The following SLC39A14 variants were observed in gnomAD, a reference collection of about 807,000 sequenced individuals.
SLC39A14 encodes the protein solute carrier family 39 member 14.
SLC39A14 carries 19 observed loss-of-function variants against 45.5 expected under a neutral mutation model. The ratio of observed to expected loss-of-function variants is 0.42; its 90% CI spans 0.29 to 0.61. SLC39A14 has a LOEUF of 0.61. Among genes scored for constraint, SLC39A14 ranks in the 20% least tolerant of loss-of-function variants. SLC39A14 has a pLI of 0.22. For synonymous variants in SLC39A14, 264 were observed against 251.3 expected (o/e 1.05, Z -0.48); for missense variants, 447 against 616.5 (o/e 0.73, Z 2.91).
chr8:22,373,538 A>G (rs999203216), intron 1 of SLC39A14, among the ~76,000 whole-genome samples: 5 of 152,140 alleles, frequency 3.3e-5, no homozygotes, highest in African/African-American at 9.7e-5. Flanking sequence ...AAGACTCAAG[A>G]TGACACAGGT....
chr8:22,378,343 T>A (rs938775599), intron 1 of SLC39A14, among the ~76,000 whole-genome samples: 1 of 152,230 alleles, frequency 6.6e-6, no homozygotes, highest in East Asian at 1.9e-4. Context: ...ATTGCATGAC[T>A]GGCTTCATTG....
At chr8:22,372,836 A>G (rs1833006009) in intron 1 of SLC39A14, among the ~76,000 whole-genome samples, 1 of 152,124 alleles carries the variant, frequency 6.6e-6, no homozygotes, top group South Asian at 2.1e-4. Context: ...TGGTCTCACT[A>G]CGTTACCCAA....
chr8:22,397,720 T>C (rs891098113), intron 1 of SLC39A14, among the ~76,000 whole-genome samples: 5 of 152,216 alleles, frequency 3.3e-5, no homozygotes, highest in African/African-American at 1.2e-4. Flanking sequence ...CTTTTGCTAT[T>C]GTGTGACTCA....
chr8:22,416,426 T>A, intron 7 of SLC39A14, 146 bp downstream of exon 7: 1 of 696,088 alleles, frequency 1.4e-6, no homozygotes, highest in Non-Finnish European at 2.4e-6. Context: ...TCATGGACCC[T>A]AATCACCTTT....
chr8:22,424,514 T>C (rs887746327), downstream of SLC39A14, among the ~76,000 whole-genome samples: 5 of 152,186 alleles, frequency 3.3e-5, no homozygotes, highest in African/African-American at 1.2e-4. Context: ...CCATTTGCTA[T>C]TCAAAATGAC....
At chr8:22,409,120 C>G (rs1048411837) in intron 3 of SLC39A14, among the ~76,000 whole-genome samples, 1 of 152,102 alleles carries the variant, frequency 6.6e-6, no homozygotes, top group African/African-American at 2.4e-5. Flanking sequence ...CATACCTGGC[C>G]TACTTTGGTT....
Position 22,420,575 on chromosome 8 carries a change from A to C in SLC39A14, c.*877A>C. 5 of 985,418 alleles carry C rather than the reference A, an allele frequency of 5.1e-6. No homozygotes were observed. The highest frequency in any genetic ancestry group is 6.0e-6 in the Non-Finnish European group (5 of 829,920). 61.0% of individuals were successfully genotyped at this position (985,418 alleles called of 1,614,324 possible). On this transcript the variant is annotated 3_prime_UTR_variant, in exon 9 of 9. Transcript: ENST00000381237. ...AGCTGCCTCCTAGAAGCACATTCTG[A>C]GCACATTTGAGACCTCTGTGTTAGA...
At chr8:22,399,314 C>T (rs1301971166) in intron 1 of SLC39A14, among the ~76,000 whole-genome samples, 1 of 152,200 alleles carries the variant, frequency 6.6e-6, no homozygotes. Context: ...ATACCTTTTA[C>T]AAACCTTTTC....
chr8:22,431,684 T>C (rs548596541), intron 8 of SLC39A14, among the ~76,000 whole-genome samples: 254 of 152,284 alleles, frequency 1.7e-3, no homozygotes, highest in African/African-American at 5.7e-3. Flanking sequence ...GAATCTTGGT[T>C]ATTTCAAATA....
intron 1 of SLC39A14, among the ~76,000 whole-genome samples, chr8:22,377,910 C>T (rs147024253): frequency 2.6e-5 from 4 of 152,286 alleles, no homozygotes; most frequent in East Asian, 3.9e-4. Flanking sequence ...GATCTGTGCC[C>T]GCTCGGCTAT....
chr8:22,404,202 T>A (rs1435571170), intron 1 of SLC39A14, among the ~76,000 whole-genome samples: 1 of 152,118 alleles, frequency 6.6e-6, no homozygotes, highest in Non-Finnish European at 1.5e-5. Context: ...GGTGGGTGGA[T>A]CACCTGAGGT....
At chr8:22,412,544 G>A (rs1299745315) in intron 4 of SLC39A14, among the ~76,000 whole-genome samples, 1 of 152,214 alleles carries the variant, frequency 6.6e-6, no homozygotes, top group Non-Finnish European at 1.5e-5. Flanking sequence ...CTGAGTGCCT[G>A]GTGCGGAAAG....
At position 22,408,491 on chromosome 8, in the gene SLC39A14, T is replaced by C; in HGVS notation, c.452T>C (p.Val151Ala). 6.2e-7 allele frequency: 1 copy of C among 1,612,210 alleles called. No homozygotes were observed. Among genetic ancestry groups the C allele is most frequent in the Admixed American group, 1.7e-5 (1 of 59,968 alleles). ...ACGGAGGAGGGGCGGCCAAGCGCTG[T>C]TGAAGGTGAGCCAGGCCAGGAAGGC... is the stretch of plus-strand genomic sequence containing the variant. ...EQTEEGRPSA[V>A]EVWGYGLLCV... Residue 151 changes from valine (V) to alanine (A), a missense_variant, in exon 3 of 9, where the codon GTT (valine) becomes GCT (alanine). This residue lies in a region of SLC39A14 where 342 missense variants were observed against 428.1 expected (regional missense o/e 0.80). Transcript: ENST00000381237.
chr8:22,424,448 A>C (rs549706987), downstream of SLC39A14, among the ~76,000 whole-genome samples: 2 of 152,344 alleles, frequency 1.3e-5, no homozygotes, highest in African/African-American at 4.8e-5. Context: ...TAAAACAAGA[A>C]TAATATATGA....
Position 22,404,888 on chromosome 8 carries a change from C to T in SLC39A14, c.178C>T (p.Gln60Ter), listed in dbSNP as rs1835120360. Residue 60 changes from glutamine to a stop codon, truncating the protein, a stop_gained, in exon 2 of 9, where the codon CAG becomes TAG. Coordinates refer to ENST00000381237, the MANE Select transcript of SLC39A14 (RefSeq NM_001128431.4). LOFTEE classifies it high-confidence loss of function. ...RYGEGDSLTL[Q>*]QLKALLNHLD... is the part of the protein sequence containing the mutation. ...TGGCGAGGGTGACAGCCTCACTCTG[C>T]AGCAGCTGAAGGCCCTACTCAACCA... 6.2e-7 allele frequency: 1 copy of T among 1,614,056 alleles called. No homozygotes were observed. The highest frequency in any genetic ancestry group is 8.5e-7 in the Non-Finnish European group (1 of 1,180,012).
In SLC39A14 at chr8:22,420,411, G is replaced by T. The variant is rs73227843; in HGVS notation, c.*713G>T. 9.2e-5 allele frequency: 91 copies of T among 985,426 alleles called. No homozygotes were observed. In the East Asian group the frequency reaches 7.4e-3, roughly 80 times the overall value. The allele number at this position is 985,426 out of a possible 1,614,324, so 61.0% of individuals were successfully genotyped here. On this transcript the variant is annotated 3_prime_UTR_variant, in exon 9 of 9. Transcript: ENST00000381237. ...TTCACGGCTGTCCGAGTGAGCTAAC[G>T]TGGCGGTGTGGCTGCCTGGACCTCC...
chr8:22,399,145 G>T (rs1834694738), intron 1 of SLC39A14, among the ~76,000 whole-genome samples: 1 of 152,152 alleles, frequency 6.6e-6, no homozygotes, highest in Non-Finnish European at 1.5e-5. Flanking sequence ...TGACACCCTG[G>T]GGGGACTGGA....
chr8:22,401,812 A>G (rs904560454), intron 1 of SLC39A14, among the ~76,000 whole-genome samples: 1 of 151,988 alleles, frequency 6.6e-6, no homozygotes, highest in Admixed American at 6.6e-5. Context: ...CTGGGATTAC[A>G]GGCGTGAGCC....
Position 22,408,429 on chromosome 8 carries a change from C to T in SLC39A14, c.390C>T (p.Cys130=), listed in dbSNP as rs1471558536. Residue 130 remains cysteine, a synonymous_variant, in exon 3 of 9, where the codon TGC becomes TGT. Coordinates refer to ENST00000381237, the MANE Select transcript of SLC39A14 (RefSeq NM_001128431.4). ...TCCAGCAGCTGGATTCCCGGGCCTGCACCTCGGAGAACCAGGAAAACGAGG... is the reference window on the plus strand; with the variant it reads ...TCCAGCAGCTGGATTCCCGGGCCTGTACCTCGGAGAACCAGGAAAACGAGG... ...TILQQLDSRA[C]TSENQENEEN... 3 of 1,614,076 alleles carry T rather than the reference C, an allele frequency of 1.9e-6. No homozygotes were observed. The highest frequency in any genetic ancestry group is 2.7e-5 in the African/African-American group (2 of 74,930).
Sources: gnomAD v4.1 joint callset for allele counts (sites outside exome capture counted in the v4.1 genomes callset) on GRCh38, gnomAD v4.1.1 for gene constraint, gnomAD v4.1.1 regional missense constraint, MANE v1.5 for transcripts, NCBI Gene and HGNC (gene_info 2026-07-23, HGNC 2026-07-21) for gene names.